The following C2CD5 variants were observed in gnomAD, a reference collection of about 807,000 sequenced individuals.
C2CD5 encodes C2 domain-containing protein 5.
In C2CD5, 109 loss-of-function variants were observed where a neutral mutation model predicts 130.3. The observed-to-expected ratio is 0.84, with a 90% CI of 0.72 to 0.98. C2CD5 has a LOEUF of 0.98. Among genes scored for constraint, C2CD5 ranks in the 50% least tolerant of loss-of-function variants. C2CD5 has a pLI of 0.00. For synonymous variants in C2CD5, 454 were observed against 429.2 expected, an observed-to-expected ratio of 1.06 and a Z score of -0.71; for missense variants, 996 against 1,261.8, an observed-to-expected ratio of 0.79 and a Z score of 3.19.
chr12:22,508,746 G>C (rs1001921856), intron 9 of C2CD5, among the ~76,000 whole-genome samples: 1 of 151,798 alleles, frequency 6.6e-6, no homozygotes, highest in Non-Finnish European at 1.5e-5. Flanking sequence ...AATGTAGTTA[G>C]GTCTTTCAGA....
At chr12:22,459,357 CAAAA>C (rs148077355) in intron 23 of C2CD5, 131 bp downstream of exon 23, 5 of 420,732 alleles carry the variant, frequency 1.2e-5, no homozygotes, top group Admixed American at 8.2e-5. Context: ...ATTCTACCTA[CAAAA>C]AAAAAAAAGC....
chr12:22,527,016 C>CATGGCATGTGCCTGCA (rs943133877), intron 4 of C2CD5, among the ~76,000 whole-genome samples: 1 of 152,176 alleles, frequency 6.6e-6, no homozygotes, highest in African/African-American at 2.4e-5. Context: ...AGCCAGGTGT[C>CATGGCATGTGCCTGCA]ATGGCATGTG....
At chr12:22,487,293 T>G (rs1299674968) in intron 12 of C2CD5, among the ~76,000 whole-genome samples, 1 of 152,144 alleles carries the variant, frequency 6.6e-6, no homozygotes, top group Non-Finnish European at 1.5e-5. Context: ...AGAAAATTTT[T>G]GCAATCTATC....
intron 10 of C2CD5, among the ~76,000 whole-genome samples, chr12:22,502,962 G>C (rs961104890): frequency 2.0e-5 from 3 of 152,084 alleles, no homozygotes; most frequent in African/African-American, 7.2e-5. Flanking sequence ...AATAGAAAGG[G>C]GGAAAGGAGC....
chr12:22,449,823 C>T lies in C2CD5; in HGVS notation c.3093G>A (p.Val1031=). The change falls in exon 27 of 27, where the codon GTG becomes GTA. Residue 1031 remains valine (V), a synonymous_variant. Transcript: ENST00000446597. ...AGTTGGTAGTAGGTTGCTGAGATGA[C>T]ACCACTTCTAAGTCAGATTCACGAA... The part of the protein sequence containing the change: ...VFVRESDLEV[V]SSQQPTTNCQ... The T allele has an allele frequency of 6.2e-7, 1 of 1,611,618 alleles. No individual in the cohort carries two copies. Among genetic ancestry groups the T allele is most frequent in the Non-Finnish European group, 8.5e-7 (1 of 1,178,100 alleles).
intron 9 of C2CD5, among the ~76,000 whole-genome samples, chr12:22,510,381 G>C (rs1412745626): frequency 6.6e-6 from 1 of 152,146 alleles, no homozygotes; most frequent in Admixed American, 6.5e-5. Context: ...TTTGACATAA[G>C]CCAAGGGCAG....
chr12:22,527,957 C>T (rs971775572), intron 3 of C2CD5, 65 bp from the exon 4 acceptor site: 22 of 881,624 alleles, frequency 2.5e-5, no homozygotes, highest in Middle Eastern at 3.1e-4. Context: ...CAAATGTATA[C>T]CTATATCAAA....
chr12:22,525,946 ACTG>A (rs1489937523), intron 4 of C2CD5, among the ~76,000 whole-genome samples: 1 of 152,166 alleles, frequency 6.6e-6, no homozygotes, highest in African/African-American at 2.4e-5. Flanking sequence ...ATTCTGTCCA[ACTG>A]TAGGCTAATA....
At chr12:22,480,842 T>C (rs1387334021) in intron 14 of C2CD5, among the ~76,000 whole-genome samples, 1 of 152,056 alleles carries the variant, frequency 6.6e-6, no homozygotes, top group Non-Finnish European at 1.5e-5. Context: ...TCTCGCTCTG[T>C]CAGCCAGGCT....
At chr12:22,480,696 C>T (rs1250633800) in intron 14 of C2CD5, among the ~76,000 whole-genome samples, 1 of 152,136 alleles carries the variant, frequency 6.6e-6, no homozygotes, top group Admixed American at 6.5e-5. Context: ...AGTCTTGCAT[C>T]AAGCACAAAT....
chr12:22,488,405 A>T (rs73076622), intron 12 of C2CD5, among the ~76,000 whole-genome samples: 6,263 of 152,132 alleles, frequency 0.041, 166 homozygotes, highest in South Asian at 0.11. Flanking sequence ...TTTTTATAGC[A>T]GAAAGAAAAG....
In C2CD5 at chr12:22,457,032, A is replaced by AT; in HGVS notation, c.2815dup (p.Ile939AsnfsTer3). 1 of 1,608,748 alleles carries AT rather than the reference A, an allele frequency of 6.2e-7. No homozygotes were observed. Among genetic ancestry groups the AT allele is most frequent in the Non-Finnish European group, 8.5e-7 (1 of 1,176,208 alleles). On this transcript the variant is annotated frameshift_variant, in exon 25 of 27. Transcript: ENST00000446597. LOFTEE classifies it high-confidence loss of function. ...GTTAATTATCCCAAGATACTTAGTT[A>AT]TTTTTGCTCCAGGAATAAAAGAAAG...
At chr12:22,501,229 C>T (rs1361853214) in intron 10 of C2CD5, among the ~76,000 whole-genome samples, 1 of 152,116 alleles carries the variant, frequency 6.6e-6, no homozygotes, top group Non-Finnish European at 1.5e-5. Context: ...TTTCTTCACA[C>T]ACTTCCAACG....
chr12:22,466,514 T>C lies in C2CD5; in HGVS notation c.2533+3195A>G, dbSNP rs146519740. On this transcript the variant is annotated intron_variant, in intron 22 of 26. Coordinates refer to ENST00000446597, the MANE Select transcript of C2CD5 (RefSeq NM_001286176.2). ...TGCTATTTTTGAATTTTTCCAGACA[T>C]TGCCTTCTTTCATGTTACAACACGC... 2.2e-3 allele frequency among the ~76,000 whole-genome samples: 335 copies of C among 152,268 alleles called. 1 individual carries two copies. Among genetic ancestry groups the C allele is most frequent in the Non-Finnish European group, 2.0e-3 (136 of 68,002 alleles).
chr12:22,464,208 T>G (rs1448325007), intron 22 of C2CD5, among the ~76,000 whole-genome samples: 1 of 152,232 alleles, frequency 6.6e-6, no homozygotes, highest in Non-Finnish European at 1.5e-5. Context: ...CTGTGATACC[T>G]AGGTAGTACA....
In C2CD5 at chr12:22,456,851, A is replaced by C. The variant is rs200841376; in HGVS notation, c.2877+120T>G. The stretch of plus-strand genomic sequence containing the variant: ...ATAAACTCTAGACTCAATCCAGATA[A>C]TTAAAATATAAATAAATATTTGTAA... On this transcript the variant is annotated intron_variant, in intron 25 of 26. Coordinates refer to ENST00000446597, the MANE Select transcript of C2CD5 (RefSeq NM_001286176.2). The C allele has an allele frequency of 1.7e-6, 1 of 590,754 alleles. No individual in the cohort carries two copies. The allele number at this position is 590,754 out of a possible 1,614,324, so 36.6% of individuals were successfully genotyped here.
At chr12:22,455,889 T>C (rs1346798358) in intron 25 of C2CD5, among the ~76,000 whole-genome samples, 4 of 152,158 alleles carry the variant, frequency 2.6e-5, no homozygotes. Context: ...TTCGTCATGT[T>C]GGTCAGGCTG....
chr12:22,486,173 C>G (rs1945470404), intron 12 of C2CD5, among the ~76,000 whole-genome samples: 1 of 146,574 alleles, frequency 6.8e-6, no homozygotes, highest in Admixed American at 6.7e-5. Context: ...CTTTTTAAAA[C>G]CAGGCTTGAA....
chr12:22,543,997 G>A (rs1231543895), intron 2 of C2CD5, 64 bp downstream of exon 2: 3 of 1,244,322 alleles, frequency 2.4e-6, no homozygotes, highest in Non-Finnish European at 3.5e-6. Context: ...TGGGGGCGAG[G>A]TGGGTAGATC....
Sources: gnomAD v4.1 joint callset for allele counts (sites outside exome capture counted in the v4.1 genomes callset) on GRCh38, gnomAD v4.1.1 for gene constraint, MANE v1.5 for transcripts, NCBI Gene and HGNC (gene_info 2026-07-23, HGNC 2026-07-21) for gene names.